TUSC3: variants seen among roughly 807,000 people sequenced by gnomAD.
TUSC3 encodes the protein tumor suppressor candidate 3.
Under a neutral mutation model 44.8 loss-of-function variants are expected in TUSC3, and 45 were observed. That is an observed-to-expected ratio of 1.00 (90% confidence interval 0.79 to 1.29). TUSC3 has a LOEUF of 1.29. Ranked by LOEUF, TUSC3 falls within the 50% of genes most tolerant of loss-of-function variation. TUSC3 has a pLI of 0.00. For synonymous variants in TUSC3, 212 were observed against 152.9 expected, an observed-to-expected ratio of 1.39 and a Z score of -2.85; for missense variants, 519 against 437.9, an observed-to-expected ratio of 1.19 and a Z score of -1.65.
At chr8:15,651,227 G>A (rs1806890337) in intron 3 of TUSC3, among the ~76,000 whole-genome samples, 1 of 152,050 alleles carries the variant, frequency 6.6e-6, no homozygotes, top group Admixed American at 6.6e-5. Context: ...GTCTTATTCT[G>A]GCATTTAATT....
the TUSC3 span, among the ~76,000 whole-genome samples, chr8:15,790,240 C>G: frequency 0.01 from 1,244 of 123,208 alleles, 22 homozygotes; most frequent in African/African-American, 0.037. Context: ...GGCTGGAGTG[C>G]AGTGGCGTGA....
At chr8:15,485,946 A>T (rs1800727552) in intron 2 of TUSC3, among the ~76,000 whole-genome samples, 1 of 151,926 alleles carries the variant, frequency 6.6e-6, no homozygotes, top group African/African-American at 2.4e-5. Flanking sequence ...GCCCACCACC[A>T]AGCCCGGCTT....
intron 1 of TUSC3, among the ~76,000 whole-genome samples, chr8:15,466,195 T>C (rs983711338): frequency 3.9e-5 from 6 of 152,182 alleles, no homozygotes; most frequent in African/African-American, 1.4e-4. Context: ...AAAGGCAGCA[T>C]CTTTTCTGCC....
chr8:15,648,906 G>A lies in TUSC3; in HGVS notation c.309-1791G>A, dbSNP rs181722719. ...TTGTGTTACCGTGTGAGACTTGGGG[G>A]ATAGAGAACTAATGAAAATGAAAAT... On this transcript the variant is annotated intron_variant, in intron 2 of 10. Transcript: ENST00000503731. Among the ~76,000 whole-genome samples the A allele has an allele frequency of 6.5e-4, 99 of 151,994 alleles. 1 individual carries two copies. In the East Asian group the frequency reaches 0.018, roughly 27 times the overall value.
At chr8:15,692,370 C>CGA (rs1563175835) in intron 6 of TUSC3, among the ~76,000 whole-genome samples, 20 of 39,230 alleles carry the variant, frequency 5.1e-4, no homozygotes, top group African/African-American at 1.9e-3. Flanking sequence ...CCCCCCCCCC[C>CGA]CTTTGTTTTT....
At chr8:15,686,015 T>C (rs919055874) in intron 6 of TUSC3, among the ~76,000 whole-genome samples, 3 of 152,012 alleles carry the variant, frequency 2.0e-5, no homozygotes, top group Non-Finnish European at 4.4e-5. Context: ...ATAAAGAAAA[T>C]TAATAGTGCA....
intron 1 of TUSC3, among the ~76,000 whole-genome samples, chr8:15,437,589 T>C (rs1387109199): frequency 1.3e-5 from 2 of 152,204 alleles, no homozygotes; most frequent in Non-Finnish European, 2.9e-5. Context: ...ATGAGATACA[T>C]TAAGACAATC....
chr8:15,495,450 T>C (rs1475139306), intron 2 of TUSC3, among the ~76,000 whole-genome samples: 3 of 152,200 alleles, frequency 2.0e-5, no homozygotes, highest in Non-Finnish European at 2.9e-5. Context: ...GAACCCACTG[T>C]GCCTGAACCT....
chr8:15,666,006 A>G (rs1807644300), intron 5 of TUSC3, among the ~76,000 whole-genome samples: 2 of 151,536 alleles, frequency 1.3e-5, no homozygotes, highest in African/African-American at 4.8e-5. Flanking sequence ...CTTTATGATG[A>G]ATTTAAAGTA....
At chr8:15,496,955 C>A (rs2129126463) in intron 2 of TUSC3, among the ~76,000 whole-genome samples, 1 of 152,240 alleles carries the variant, frequency 6.6e-6, no homozygotes. Flanking sequence ...CTGCCAGAAC[C>A]TGTTTTAGAT....
chr8:15,496,134 C>G (rs2129126370), intron 2 of TUSC3, among the ~76,000 whole-genome samples: 1 of 152,298 alleles, frequency 6.6e-6, no homozygotes, highest in East Asian at 1.9e-4. Flanking sequence ...ATGCCCCTCT[C>G]AATACCATGT....
chr8:15,651,958 C>T (rs1019092266), intron 3 of TUSC3, among the ~76,000 whole-genome samples: 1 of 152,096 alleles, frequency 6.6e-6, no homozygotes, highest in Non-Finnish European at 1.5e-5. Flanking sequence ...GTTACTGGCT[C>T]CATTTCATAG....
intron 2 of TUSC3, among the ~76,000 whole-genome samples, chr8:15,529,756 G>C (rs944932313): frequency 6.7e-6 from 1 of 149,712 alleles, no homozygotes; most frequent in Admixed American, 6.7e-5. Flanking sequence ...GTAGAATACA[G>C]GTTGCCATAT....
chr8:15,525,759 T>C (rs1426239028), intron 2 of TUSC3, among the ~76,000 whole-genome samples: 1 of 152,002 alleles, frequency 6.6e-6, no homozygotes, highest in East Asian at 1.9e-4. Flanking sequence ...GTTAGCAATG[T>C]AGAATGGAAA....
chr8:15,848,547 G>C, the TUSC3 span, among the ~76,000 whole-genome samples: 2 of 152,170 alleles, frequency 1.3e-5, no homozygotes, highest in Admixed American at 6.5e-5. Flanking sequence ...CTGGGGAACT[G>C]TTCCCTGCTG....
chr8:15,785,979 A>T, the TUSC3 span, among the ~76,000 whole-genome samples: 2 of 152,242 alleles, frequency 1.3e-5, no homozygotes, highest in African/African-American at 4.8e-5. Flanking sequence ...ATGAAAGGCA[A>T]TTTAACTTAA....
chr8:15,516,171 T>C (rs975277808), intron 2 of TUSC3, among the ~76,000 whole-genome samples: 4 of 152,188 alleles, frequency 2.6e-5, no homozygotes, highest in Non-Finnish European at 4.4e-5. Context: ...CCTCATCTAT[T>C]GTATCAGAGA....
At chr8:15,545,593 C>G (rs953788017) in intron 1 of TUSC3, among the ~76,000 whole-genome samples, 1 of 151,630 alleles carries the variant, frequency 6.6e-6, no homozygotes. Flanking sequence ...ATTGTCTGTC[C>G]ACGTAAGAGA....
the TUSC3 span, chr8:15,806,596 A>C: frequency 2.0e-6 from 3 of 1,466,778 alleles, no homozygotes; most frequent in Non-Finnish European, 2.9e-6. Context: ...ATGCAAGGAT[A>C]ATGAAGTGAT....
Sources: allele counts gnomAD v4.1 joint callset (sites outside exome capture counted in the v4.1 genomes callset), GRCh38; gene constraint gnomAD v4.1.1; transcripts MANE v1.5; gene names NCBI Gene and HGNC (gene_info 2026-07-23, HGNC 2026-07-21).